CDH23: variants seen among roughly 807,000 people sequenced by gnomAD.
CDH23 encodes cadherin related 23.
In CDH23, 189 loss-of-function variants were observed where a neutral mutation model predicts 317.1. The observed-to-expected ratio is 0.60, with a 90% CI of 0.53 to 0.67. CDH23 has a LOEUF of 0.67. CDH23 is among the 30% of genes least tolerant of loss of function. The pLI, the probability that CDH23 is intolerant of heterozygous loss-of-function variation, is 0.00. For missense variants in CDH23, 4,401 were observed against 4,592.4 expected (o/e 0.96, Z 1.20); for synonymous variants, 1,839 against 1,876.8 (o/e 0.98, Z 0.52).
rs1315923998 is a variant in CDH23 at position 71,741,915 on chromosome 10, C to T, written c.4839C>T (p.Thr1613=). Residue 1613 remains threonine (T), a synonymous_variant, in exon 38 of 70, where the codon ACC becomes ACT. Coordinates refer to ENST00000224721, the MANE Select transcript of CDH23 (RefSeq NM_022124.6). ...VATVEDEGTP[T]LSATTHVYVT... ...CTGTGGAGGACGAGGGCACCCCAAC[C>T]CTGTCGGTGAGCGATGGGGGTGGCC... The T allele has an allele frequency of 5.6e-6, 9 of 1,596,060 alleles. No individual in the cohort carries two copies. In the South Asian group the frequency reaches 7.9e-5, roughly 14 times the overall value.
intron 6 of CDH23, 129 bp downstream of exon 6, chr10:71,511,341 C>A: frequency 1.2e-6 from 1 of 852,814 alleles, no homozygotes; most frequent in Non-Finnish European, 2.0e-6. Context: ...GCCCAGGTGC[C>A]AACTCTGAGC....
intron 1 of CDH23, among the ~76,000 whole-genome samples, chr10:71,431,828 C>G (rs1849385836): frequency 6.6e-6 from 1 of 152,172 alleles, no homozygotes; most frequent in Admixed American, 6.5e-5. Context: ...GCCCTCTGCC[C>G]TTGTACCTCC....
chr10:71,506,181 AG>A (rs1853623981), intron 3 of CDH23, among the ~76,000 whole-genome samples: 1 of 152,230 alleles, frequency 6.6e-6, no homozygotes, highest in African/African-American at 2.4e-5. Context: ...TATCTAGGAT[AG>A]GCGAATCCAT....
At chr10:71,679,566 TG>T in intron 17 of CDH23, 74 bp downstream of exon 17, 1 of 1,193,344 alleles carries the variant, frequency 8.4e-7, no homozygotes, top group Non-Finnish European at 1.2e-6. Context: ...ACCTCCCTTG[TG>T]GGGATGAGGC....
intron 3 of CDH23, among the ~76,000 whole-genome samples, chr10:71,477,916 C>T (rs901059900): frequency 6.6e-6 from 1 of 152,160 alleles, no homozygotes; most frequent in East Asian, 1.9e-4. Context: ...TCTCCTATCA[C>T]GTGCCCGGGC....
Position 71,790,283 on chromosome 10 carries a change from C to T in CDH23, c.5924-5C>T. The T allele has an allele frequency of 6.2e-7, 1 of 1,613,548 alleles. No individual in the cohort carries two copies. The highest frequency in any genetic ancestry group is 8.5e-7 in the Non-Finnish European group (1 of 1,179,748). ...CTTGTGGTGACCCCTCTCCTTCTGG[C>T]CCAGGCACCCCTCTCACGGTGCTCA... is the stretch of plus-strand genomic sequence containing the variant. On this transcript the variant is annotated splice_region_variant and splice_polypyrimidine_tract_variant and intron_variant, in intron 45 of 69. Transcript: ENST00000224721.
At chr10:71,500,345 T>G (rs1380651625) in intron 3 of CDH23, among the ~76,000 whole-genome samples, 3 of 152,228 alleles carry the variant, frequency 2.0e-5, no homozygotes, top group Non-Finnish European at 4.4e-5. Context: ...CCTCTGGGTT[T>G]GTGTCGTCCG....
At chr10:71,795,407 G>A (rs1300352244) in intron 48 of CDH23, 1 of 152,210 alleles carries the variant, frequency 6.6e-6, no homozygotes, top group African/African-American at 2.4e-5. Context: ...GCATGGGTTG[G>A]TCAGGACCAT....
At chr10:71,568,970 C>T (rs1198777232) in intron 7 of CDH23, among the ~76,000 whole-genome samples, 1 of 152,212 alleles carries the variant, frequency 6.6e-6, no homozygotes, top group Non-Finnish European at 1.5e-5. Context: ...CAGCTGCCTG[C>T]AAAAGCCTGG....
intron 49 of CDH23, among the ~76,000 whole-genome samples, chr10:71,797,810 G>A (rs1564799073): frequency 6.6e-6 from 1 of 152,092 alleles, no homozygotes; most frequent in Non-Finnish European, 1.5e-5. Context: ...GATTTTGTGT[G>A]GGCAGAGCGA....
intron 8 of CDH23, 144 bp from the exon 9 acceptor site, chr10:71,577,770 T>C: frequency 1.5e-6 from 1 of 686,660 alleles, no homozygotes; most frequent in East Asian, 2.7e-5. Flanking sequence ...GGGCAGCTGA[T>C]GCCTGAGCCC....
At chr10:71,440,718 G>C (rs1006508629) in intron 2 of CDH23, among the ~76,000 whole-genome samples, 3 of 152,190 alleles carry the variant, frequency 2.0e-5, no homozygotes, top group Non-Finnish European at 2.9e-5. Context: ...GACAGCAGGT[G>C]GTGGGGAGCA....
chr10:71,593,553 T>C (rs1490979651), intron 9 of CDH23, among the ~76,000 whole-genome samples: 1 of 152,102 alleles, frequency 6.6e-6, no homozygotes, highest in Non-Finnish European at 1.5e-5. Flanking sequence ...TTGCAACAAT[T>C]AAAACCAAGG....
At chr10:71,564,601 G>A (rs976860435) in intron 6 of CDH23, among the ~76,000 whole-genome samples, 16 of 152,226 alleles carry the variant, frequency 1.1e-4, no homozygotes, top group African/African-American at 3.9e-4. Context: ...TCAGGACCAT[G>A]CGGTATGGAC....
chr10:71,689,397 G>A (rs895397661), intron 19 of CDH23, among the ~76,000 whole-genome samples: 2 of 152,082 alleles, frequency 1.3e-5, no homozygotes, highest in African/African-American at 2.4e-5. Flanking sequence ...CTGCTAAAGA[G>A]CTGCCTCCAG....
chr10:71,458,934 C>T (rs560680053), intron 3 of CDH23, among the ~76,000 whole-genome samples: 7 of 151,450 alleles, frequency 4.6e-5, no homozygotes, highest in African/African-American at 1.7e-4. Context: ...ACTACAGGCA[C>T]CTGCCACCAT....
At chr10:71,426,186 G>A (rs1485229134) in intron 1 of CDH23, among the ~76,000 whole-genome samples, 1 of 152,196 alleles carries the variant, frequency 6.6e-6, no homozygotes, top group Non-Finnish European at 1.5e-5. Context: ...CACCTGCATG[G>A]CCCCTGAGCA....
chr10:71,651,988 G>A (rs1217885011), intron 14 of CDH23, among the ~76,000 whole-genome samples: 1 of 152,226 alleles, frequency 6.6e-6, no homozygotes, highest in Non-Finnish European at 1.5e-5. Context: ...GAGCTCCAAG[G>A]CCTTCTATCC....
chr10:71,632,748 A>G (rs780580241), intron 11 of CDH23, among the ~76,000 whole-genome samples: 102 of 152,092 alleles, frequency 6.7e-4, no homozygotes, highest in Non-Finnish European at 1.2e-3. Flanking sequence ...CCACCTTTGC[A>G]TGCCCTCTCT....
Sources: allele counts gnomAD v4.1 joint callset (sites outside exome capture counted in the v4.1 genomes callset), GRCh38; gene constraint gnomAD v4.1.1; transcripts MANE v1.5; gene names NCBI Gene and HGNC (gene_info 2026-07-23, HGNC 2026-07-21).